Variants in CBFA2T3 observed in about 807,000 individuals in gnomAD.
The protein encoded by CBFA2T3 is transcriptional corepressor CBFA2T3.
In CBFA2T3, 31 loss-of-function variants were observed where a neutral mutation model predicts 58.6. The ratio of observed to expected loss-of-function variants is 0.53; its 90% CI spans 0.40 to 0.71. The LOEUF (loss-of-function observed/expected upper bound fraction) is 0.71. CBFA2T3 is among the 30% of genes least tolerant of loss of function. The pLI is 0.00. For missense variants in CBFA2T3, 1,076 were observed against 963.1 expected (o/e 1.12, Z -1.55); for synonymous variants, 531 against 421.9 (o/e 1.26, Z -3.17).
At chr16:88,935,177 A>G (rs1436150679) in intron 1 of CBFA2T3, among the ~76,000 whole-genome samples, 2 of 152,290 alleles carry the variant, frequency 1.3e-5, no homozygotes, top group Non-Finnish European at 2.9e-5. Context: ...CAGAGACCCA[A>G]CGCTGCCCCC....
intron 1 of CBFA2T3, among the ~76,000 whole-genome samples, chr16:88,932,080 C>T (rs1467659084): frequency 6.6e-6 from 1 of 152,166 alleles, no homozygotes; most frequent in East Asian, 1.9e-4. Flanking sequence ...CATGCACCTG[C>T]ACGTGCGCCC....
rs1222413949 is a variant in CBFA2T3, at chr16:88,875,739, G to A, written c.*1237C>T. On this transcript the variant is annotated 3_prime_UTR_variant, in exon 12 of 12. Coordinates refer to ENST00000268679, the MANE Select transcript of CBFA2T3 (RefSeq NM_005187.6). ...GGCTCCGCATGCTCGAAAAGCAGTC[G>A]AGAATCAACCCAAAAGATTGTCACA... 8.6e-6 allele frequency: 2 copies of A among 233,438 alleles called. No homozygotes were observed. Among genetic ancestry groups the A allele is most frequent in the East Asian group, 6.0e-5 (1 of 16,596 alleles). 14.5% of individuals were successfully genotyped at this position (233,438 alleles called of 1,614,324 possible).
intron 1 of CBFA2T3, among the ~76,000 whole-genome samples, chr16:88,966,147 G>A (rs1567638860): frequency 6.6e-6 from 1 of 152,194 alleles, no homozygotes; most frequent in African/African-American, 2.4e-5. Flanking sequence ...TGTGTGGGTC[G>A]CTCTGCTCTG....
intron 1 of CBFA2T3, among the ~76,000 whole-genome samples, chr16:88,962,570 C>T (rs34733313): frequency 0.023 from 3,463 of 152,256 alleles, 48 homozygotes; most frequent in Middle Eastern, 0.044. Context: ...ACCCTGAGGG[C>T]ACGTGGTGGG....
At chr16:88,878,424 G>A (rs1230710663) in intron 11 of CBFA2T3, among the ~76,000 whole-genome samples, 3 of 152,234 alleles carry the variant, frequency 2.0e-5, no homozygotes, top group Non-Finnish European at 4.4e-5. Context: ...TATCTCAAGG[G>A]ACAGTCCTGG....
In CBFA2T3 at chr16:88,911,715, G is replaced by A. The variant is rs12927632; in HGVS notation, c.152-10059C>T. On this transcript the variant is annotated intron_variant, in intron 1 of 11. Transcript: ENST00000268679. ...CCTGGCCGCTCGCCCTGGCCACCCAGCTGTCATGCTTCGGGCTATCTGTCC... is the reference window on the plus strand; with the variant it reads ...CCTGGCCGCTCGCCCTGGCCACCCAACTGTCATGCTTCGGGCTATCTGTCC... Among the ~76,000 whole-genome samples the A allele has an allele frequency of 5.2e-3, 796 of 152,384 alleles. 9 individuals are homozygous for A. Among genetic ancestry groups the A allele is most frequent in the Non-Finnish European group, 9.3e-3 (636 of 68,036 alleles).
rs118090909 is a variant in CBFA2T3, at chr16:88,963,886, G to A, written c.151+12771C>T. Reference sequence around the variant, plus strand: ...AGGCCTGGCCTGGCCACACGGGCGTGGGTTCCTCATCCCTCTGAGCCTCTG... The same window carrying A: ...AGGCCTGGCCTGGCCACACGGGCGTAGGTTCCTCATCCCTCTGAGCCTCTG... On this transcript the variant is annotated intron_variant, in intron 1 of 11. Coordinates refer to ENST00000268679, the MANE Select transcript of CBFA2T3 (RefSeq NM_005187.6). Among the ~76,000 whole-genome samples, 1,441 of 152,326 alleles carry A rather than the reference G, an allele frequency of 9.5e-3. 12 individuals are homozygous for A. The highest frequency in any genetic ancestry group is 0.014 in the Non-Finnish European group (973 of 68,032).
chr16:88,910,046 G>A lies in CBFA2T3; in HGVS notation c.152-8390C>T, dbSNP rs577266987. Among the ~76,000 whole-genome samples the A allele has an allele frequency of 4.1e-3, 629 of 152,320 alleles. 2 individuals carry two copies. The highest frequency in any genetic ancestry group is 0.014 in the African/African-American group (599 of 41,574). ...TGCCACAGTGGCCCGGCTGTTCCTC[G>A]CTTGGTGCCTGGCTGTCCCCTCTGG... On this transcript the variant is annotated intron_variant, in intron 1 of 11. Coordinates refer to ENST00000268679, the MANE Select transcript of CBFA2T3 (RefSeq NM_005187.6).
chr16:88,883,119 G>C (rs1257427740), intron 7 of CBFA2T3, among the ~76,000 whole-genome samples: 2 of 152,228 alleles, frequency 1.3e-5, no homozygotes, highest in Non-Finnish European at 2.9e-5. Context: ...AGGCTGGCTG[G>C]AGCTGGAGCA....
At chr16:88,899,177 G>A (rs1202217370) in intron 2 of CBFA2T3, among the ~76,000 whole-genome samples, 1 of 151,386 alleles carries the variant, frequency 6.6e-6, no homozygotes, top group African/African-American at 2.4e-5. Flanking sequence ...TTCAGACTCA[G>A]TCTCCCATCA....
intron 1 of CBFA2T3, among the ~76,000 whole-genome samples, chr16:88,909,978 G>C (rs1339416974): frequency 6.6e-6 from 1 of 152,210 alleles, no homozygotes; most frequent in Non-Finnish European, 1.5e-5. Flanking sequence ...CCCAAGAGCT[G>C]TCCACGGCGG....
At chr16:88,921,280 A>T (rs1267242528) in intron 1 of CBFA2T3, among the ~76,000 whole-genome samples, 1 of 152,212 alleles carries the variant, frequency 6.6e-6, no homozygotes, top group Non-Finnish European at 1.5e-5. Context: ...ATACCAATTA[A>T]CTCATCCTGT....
At chr16:88,896,410 G>A (rs1286103364) in intron 3 of CBFA2T3, among the ~76,000 whole-genome samples, 2 of 152,170 alleles carry the variant, frequency 1.3e-5, no homozygotes, top group South Asian at 2.1e-4. Context: ...TGGAGCGCGC[G>A]GCACCGATAA....
intron 2 of CBFA2T3, 43 bp downstream of exon 2, chr16:88,901,461 C>T (rs1172478266): frequency 1.7e-6 from 2 of 1,154,830 alleles, no homozygotes; most frequent in East Asian, 5.7e-5. Context: ...AAGGGCCTCC[C>T]CTGAAACACC....
intron 11 of CBFA2T3, among the ~76,000 whole-genome samples, chr16:88,878,761 C>T (rs1312870407): frequency 4.6e-5 from 7 of 152,214 alleles, no homozygotes; most frequent in East Asian, 1.9e-4. Context: ...GCCTGGCCTA[C>T]GTGGCAAAAC....
chr16:88,942,102 C>CATTTGCATATT (rs1567625570), intron 1 of CBFA2T3, among the ~76,000 whole-genome samples: 2 of 152,124 alleles, frequency 1.3e-5, no homozygotes, highest in African/African-American at 4.8e-5. Flanking sequence ...ATTTGCATAT[C>CATTTGCATATT]GTGCGTTTCA....
intron 2 of CBFA2T3, among the ~76,000 whole-genome samples, chr16:88,899,571 G>A (rs539209721): frequency 6.6e-6 from 1 of 152,076 alleles, no homozygotes; most frequent in African/African-American, 2.4e-5. Context: ...CCTCACATCC[G>A]TTCACAGGTC....
chr16:88,901,422 G>A (rs888016183), intron 2 of CBFA2T3, 82 bp downstream of exon 2: 94 of 691,724 alleles, frequency 1.4e-4, no homozygotes, highest in Non-Finnish European at 1.9e-4. Flanking sequence ...GCTGGCTCCG[G>A]GCAGGAAGCT....
Position 88,976,832 on chromosome 16 carries a change from A to G in CBFA2T3, c.-25T>C, listed in dbSNP as rs1004280437. On this transcript the variant is annotated 5_prime_UTR_variant, in exon 1 of 12. Coordinates refer to ENST00000268679, the MANE Select transcript of CBFA2T3 (RefSeq NM_005187.6). ...TGAGGAGGGCCACCCTCAGGGGCCAACCTGGAGCCCAGGACAGGCCTCTAC... is the reference window on the plus strand; with the variant it reads ...TGAGGAGGGCCACCCTCAGGGGCCAGCCTGGAGCCCAGGACAGGCCTCTAC... 7 of 1,540,842 alleles carry G rather than the reference A, an allele frequency of 4.5e-6. No homozygotes were observed. Among genetic ancestry groups the G allele is most frequent in the East Asian group, 2.4e-5 (1 of 41,016 alleles).
Sources: gnomAD v4.1 joint callset for allele counts (sites outside exome capture counted in the v4.1 genomes callset) on GRCh38, gnomAD v4.1.1 for gene constraint, MANE v1.5 for transcripts, NCBI Gene and HGNC (gene_info 2026-07-23, HGNC 2026-07-21) for gene names.